The following GPC5 variants were observed in gnomAD, a reference collection of about 807,000 sequenced individuals.
GPC5 encodes the protein glypican-5.
A neutral mutation model predicts 53.9 loss-of-function variants in GPC5; 47 were observed. The ratio of observed to expected loss-of-function variants is 0.87; its 90% confidence interval spans 0.69 to 1.11. The LOEUF is 1.11. Ranked by LOEUF, GPC5 falls within the 50% of genes most tolerant of loss-of-function variation. The probability of loss-of-function intolerance (pLI) is 0.00; values close to 1 mark genes in which losing one functional copy is unlikely to be tolerated. For synonymous variants in GPC5, 286 were observed against 263.3 expected, an observed-to-expected ratio of 1.09 and a Z score of -0.84; for missense variants, 748 against 713.1, an observed-to-expected ratio of 1.05 and a Z score of -0.56.
intron 7 of GPC5, among the ~76,000 whole-genome samples, chr13:92,473,819 A>G (rs558098681): frequency 6.6e-6 from 1 of 152,248 alleles, no homozygotes; most frequent in Non-Finnish European, 1.5e-5. Flanking sequence ...CCAGGAAAAA[A>G]TTATTCATGT....
At chr13:91,753,102 A>G (rs1212341424) in intron 4 of GPC5, among the ~76,000 whole-genome samples, 3 of 152,220 alleles carry the variant, frequency 2.0e-5, no homozygotes, top group East Asian at 1.9e-4. Context: ...CTGCTCTATG[A>G]TTTATGGCTG....
chr13:91,520,492 A>G (rs1366490843), intron 2 of GPC5, among the ~76,000 whole-genome samples: 2 of 152,186 alleles, frequency 1.3e-5, no homozygotes, highest in Non-Finnish European at 2.9e-5. Context: ...ATGAGGTTCA[A>G]CAAGGAAGAA....
At position 91,516,865 on chromosome 13, in the gene GPC5, A is replaced by C. The variant is rs113344715; in HGVS notation, c.325+67943A>C. ...TCTGTCCACCCACAGGCTCAACACC[A>C]TGTGGAAGCTGCCGAGGCTTGGGGC... On this transcript the variant is annotated intron_variant, in intron 2 of 7. Coordinates refer to ENST00000377067, the MANE Select transcript of GPC5 (RefSeq NM_004466.6). Among the ~76,000 whole-genome samples the C allele has an allele frequency of 8.5e-5, 13 of 152,294 alleles. 1 individual carries two copies. Among genetic ancestry groups the C allele is most frequent in the African/African-American group, 3.1e-4 (13 of 41,570 alleles).
chr13:91,662,052 C>T (rs536903928), intron 2 of GPC5, among the ~76,000 whole-genome samples: 71 of 152,024 alleles, frequency 4.7e-4, no homozygotes, highest in African/African-American at 1.7e-3. Flanking sequence ...GTCATTGGCT[C>T]ACATATGGTA....
intron 7 of GPC5, among the ~76,000 whole-genome samples, chr13:92,182,652 G>A (rs967107547): frequency 3.3e-5 from 5 of 152,132 alleles, no homozygotes; most frequent in Non-Finnish European, 5.9e-5. Context: ...AGATCATGAG[G>A]TCAGGAGATC....
intron 6 of GPC5, among the ~76,000 whole-genome samples, chr13:92,103,641 T>C (rs2041483878): frequency 6.6e-6 from 1 of 152,180 alleles, no homozygotes; most frequent in African/African-American, 2.4e-5. Flanking sequence ...GAAACCTCTT[T>C]ATCTGAAAAT....
chr13:92,823,413 ATAATT>A (rs1433495859), intron 7 of GPC5, among the ~76,000 whole-genome samples: 4 of 152,294 alleles, frequency 2.6e-5, no homozygotes, highest in African/African-American at 9.6e-5. Context: ...TTGCTATAAT[ATAATT>A]TAATGAAAGT....
chr13:91,852,798 A>G (rs1790054503), intron 5 of GPC5, among the ~76,000 whole-genome samples: 1 of 152,116 alleles, frequency 6.6e-6, no homozygotes, highest in Non-Finnish European at 1.5e-5. Flanking sequence ...CCACTGTGGT[A>G]TATGTGATCC....
At chr13:92,650,670 T>C (rs562708794) in intron 7 of GPC5, among the ~76,000 whole-genome samples, 22 of 152,240 alleles carry the variant, frequency 1.4e-4, no homozygotes, top group African/African-American at 4.6e-4. Context: ...AATTTGCATA[T>C]ATTTATGAAA....
At chr13:91,669,784 A>G (rs1011622163) in intron 2 of GPC5, among the ~76,000 whole-genome samples, 5 of 152,204 alleles carry the variant, frequency 3.3e-5, no homozygotes, top group Admixed American at 3.3e-4. Flanking sequence ...AAGACCAGCC[A>G]TTCTCACTGA....
At chr13:91,751,914 G>C (rs1412346289) in intron 4 of GPC5, among the ~76,000 whole-genome samples, 2 of 152,158 alleles carry the variant, frequency 1.3e-5, no homozygotes, top group African/African-American at 4.8e-5. Context: ...TCCTATATGG[G>C]TTTGCTAGGG....
intron 2 of GPC5, among the ~76,000 whole-genome samples, chr13:91,689,770 C>T (rs1470646794): frequency 1.3e-5 from 2 of 152,082 alleles, no homozygotes; most frequent in African/African-American, 2.4e-5. Context: ...GGAACAATAA[C>T]AGGCATGGAG....
chr13:91,670,003 C>T (rs1342474520), intron 2 of GPC5, among the ~76,000 whole-genome samples: 2 of 152,144 alleles, frequency 1.3e-5, no homozygotes, highest in Non-Finnish European at 2.9e-5. Flanking sequence ...TTATTGGACA[C>T]TGAGTGAACC....
In GPC5 at chr13:91,865,876, T is replaced by A. The variant is rs545900881; in HGVS notation, c.1281-42061T>A. 7.9e-5 allele frequency among the ~76,000 whole-genome samples: 12 copies of A among 151,812 alleles called. No homozygotes were observed. In the South Asian group the frequency reaches 2.5e-3, roughly 32 times the overall value. On this transcript the variant is annotated intron_variant, in intron 5 of 7. Transcript: ENST00000377067. ...CTGCCCTCATATTTACAATGAATAC[T>A]TTTTTTTTGAGATTGAGTTTCACTC...
At chr13:92,321,602 AACATACATACAT>A (rs34397471) in intron 7 of GPC5, among the ~76,000 whole-genome samples, 44,274 of 150,480 alleles carry the variant, frequency 0.29, 6,969 homozygotes, top group African/African-American at 0.39. Flanking sequence ...CTCCATCTCA[AACATACATACAT>A]ACATACATAC....
At chr13:92,231,798 T>G (rs1483608213) in intron 7 of GPC5, among the ~76,000 whole-genome samples, 1 of 152,144 alleles carries the variant, frequency 6.6e-6, no homozygotes, top group Admixed American at 6.5e-5. Flanking sequence ...AAACCCCATC[T>G]CTACTAAAAA....
At chr13:92,839,708 G>GT (rs1290080226) in intron 7 of GPC5, among the ~76,000 whole-genome samples, 2 of 151,732 alleles carry the variant, frequency 1.3e-5, no homozygotes, top group Non-Finnish European at 1.5e-5. Context: ...CCAGGGGCTG[G>GT]TTTTTTGGAA....
intron 3 of GPC5, among the ~76,000 whole-genome samples, chr13:91,706,622 T>G (rs1013978282): frequency 2.6e-5 from 4 of 152,114 alleles, no homozygotes; most frequent in African/African-American, 9.7e-5. Context: ...AGGTTGCTTA[T>G]GATGGATGGT....
chr13:92,345,192 CA>C (rs1157036091), intron 7 of GPC5, among the ~76,000 whole-genome samples: 1 of 151,798 alleles, frequency 6.6e-6, no homozygotes, highest in African/African-American at 2.4e-5. Context: ...ATAAGCAAAT[CA>C]AAAAACAAGA....
Sources: allele counts gnomAD v4.1 joint callset (sites outside exome capture counted in the v4.1 genomes callset), GRCh38; gene constraint gnomAD v4.1.1; transcripts MANE v1.5; gene names NCBI Gene and HGNC (gene_info 2026-07-23, HGNC 2026-07-21).